Variants in MGAT4C observed in about 807,000 individuals in gnomAD.
MGAT4C encodes the protein MGAT4 family member C, also known as alpha-1,3-mannosyl-glycoprotein 4-beta-N-acetylglucosaminyltransferase C.
A neutral mutation model predicts 40.1 loss-of-function variants in MGAT4C; 19 were observed. That is an observed-to-expected ratio of 0.47 (90% CI 0.33 to 0.70). The LOEUF is 0.70. Among genes scored for constraint, MGAT4C ranks in the 30% least tolerant of loss-of-function variants. The pLI, the probability that MGAT4C is intolerant of heterozygous loss-of-function variation, is 0.02. For synonymous variants in MGAT4C, 181 were observed against 187.1 expected, an observed-to-expected ratio of 0.97 and a Z score of 0.27; for missense variants, 491 against 563.2, an observed-to-expected ratio of 0.87 and a Z score of 1.30.
At chr12:86,157,645 T>C (rs956294406) in intron 1 of MGAT4C, among the ~76,000 whole-genome samples, 1 of 152,042 alleles carries the variant, frequency 6.6e-6, no homozygotes, top group Non-Finnish European at 1.5e-5. Context: ...TGATGTACAA[T>C]TCCACATGGT....
chr12:86,511,828 G>A (rs1958593208), intron 2 of MGAT4C, among the ~76,000 whole-genome samples: 1 of 152,106 alleles, frequency 6.6e-6, no homozygotes. Context: ...CATGACATTG[G>A]TCTTAGCAAT....
chr12:86,637,589 G>A (rs1343806474), intron 2 of MGAT4C, among the ~76,000 whole-genome samples: 1 of 151,774 alleles, frequency 6.6e-6, no homozygotes, highest in African/African-American at 2.4e-5. Flanking sequence ...TGACTTAGGA[G>A]GATATTCTCA....
chr12:86,447,355 C>G (rs1039070512), intron 2 of MGAT4C, among the ~76,000 whole-genome samples: 2 of 152,120 alleles, frequency 1.3e-5, no homozygotes, highest in African/African-American at 4.8e-5. Flanking sequence ...GAACTACTGA[C>G]CTCAGGTGAA....
At chr12:86,414,528 A>T (rs981285070) in intron 3 of MGAT4C, among the ~76,000 whole-genome samples, 1 of 152,162 alleles carries the variant, frequency 6.6e-6, no homozygotes, top group Non-Finnish European at 1.5e-5. Flanking sequence ...GAGTTGTCAG[A>T]AAAATCCCAT....
chr12:86,446,056 T>A (rs73189380), intron 2 of MGAT4C, among the ~76,000 whole-genome samples: 2,128 of 152,262 alleles, frequency 0.014, 25 homozygotes, highest in South Asian at 0.024. Flanking sequence ...AGTAAAACTT[T>A]ATATGTATGT....
At chr12:86,521,813 T>C (rs1056978615) in intron 2 of MGAT4C, among the ~76,000 whole-genome samples, 2 of 152,048 alleles carry the variant, frequency 1.3e-5, no homozygotes, top group Admixed American at 6.6e-5. Context: ...TGTAGAGATA[T>C]TTCACCTCCT....
intron 4 of MGAT4C, among the ~76,000 whole-genome samples, chr12:86,329,086 G>C (rs1205114208): frequency 6.7e-6 from 1 of 148,384 alleles, no homozygotes; most frequent in Non-Finnish European, 1.5e-5. Context: ...CTGGGCAACA[G>C]AGCAAGACTC....
At chr12:86,066,235 A>G (rs1357637445) in intron 1 of MGAT4C, among the ~76,000 whole-genome samples, 2 of 152,186 alleles carry the variant, frequency 1.3e-5, no homozygotes, top group African/African-American at 2.4e-5. Flanking sequence ...GAACCAAAAA[A>G]GAGCCCACAT....
intron 1 of MGAT4C, among the ~76,000 whole-genome samples, chr12:86,117,245 T>C (rs1463368186): frequency 2.0e-5 from 3 of 152,128 alleles, no homozygotes; most frequent in Non-Finnish European, 4.4e-5. Flanking sequence ...GAAAACCACC[T>C]TCATACTGAA....
intron 1 of MGAT4C, among the ~76,000 whole-genome samples, chr12:86,084,373 T>C (rs1008164304): frequency 6.6e-5 from 10 of 152,180 alleles, no homozygotes; most frequent in Non-Finnish European, 1.2e-4. Context: ...TAATATTTTA[T>C]TGATAAATCT....
intron 2 of MGAT4C, among the ~76,000 whole-genome samples, chr12:86,503,251 CATAT>C (rs1392556881): frequency 2.9e-4 from 2 of 6,834 alleles, no homozygotes; most frequent in Non-Finnish European, 2.3e-4. Flanking sequence ...GAGTTCTGCT[CATAT>C]ATATATATAT....
chr12:86,049,773 C>A (rs1892727416), intron 1 of MGAT4C, 50 bp from the exon 2 acceptor site: 7 of 697,444 alleles, frequency 1.0e-5, no homozygotes, highest in Non-Finnish European at 1.2e-5. Flanking sequence ...TGGTTTCTTG[C>A]TGATAAAAGT....
chr12:86,121,246 T>A (rs537129642), intron 1 of MGAT4C, among the ~76,000 whole-genome samples: 38 of 152,188 alleles, frequency 2.5e-4, no homozygotes, highest in African/African-American at 9.1e-4. Flanking sequence ...TGGGACTATG[T>A]GAAAAGACCA....
intron 1 of MGAT4C, among the ~76,000 whole-genome samples, chr12:86,209,768 AATTTTTTTCTTCTTCACTGTACC>A (rs1366742207): frequency 6.6e-6 from 1 of 152,136 alleles, no homozygotes. Context: ...AAAAGAAGGT[AATTTTTTTCTTCTTCACTGTACC>A]ATATGCTTCC....
intron 1 of MGAT4C, among the ~76,000 whole-genome samples, chr12:86,198,816 G>A (rs1167623616): frequency 2.0e-5 from 3 of 151,984 alleles, no homozygotes; most frequent in Non-Finnish European, 4.4e-5. Context: ...TCTTCCCAAG[G>A]CACCAAGGGT....
chr12:86,501,714 T>C (rs1251221005), intron 2 of MGAT4C, among the ~76,000 whole-genome samples: 1 of 152,094 alleles, frequency 6.6e-6, no homozygotes, highest in East Asian at 1.9e-4. Flanking sequence ...ATGGTGTATA[T>C]ATGCCAAATT....
chr12:86,733,456 A>G (rs1441225117), intron 1 of MGAT4C, among the ~76,000 whole-genome samples: 3 of 151,900 alleles, frequency 2.0e-5, no homozygotes, highest in African/African-American at 4.8e-5. Context: ...AACAAACACA[A>G]AGTTTGGCTG....
chr12:86,199,184 C>T (rs1243015878), intron 1 of MGAT4C, among the ~76,000 whole-genome samples: 1 of 152,070 alleles, frequency 6.6e-6, no homozygotes, highest in African/African-American at 2.4e-5. Context: ...TTTTGATATG[C>T]CAATAGGAAC....
intron 2 of MGAT4C, among the ~76,000 whole-genome samples, chr12:86,630,361 C>G (rs2136504048): frequency 6.6e-6 from 1 of 152,244 alleles, no homozygotes; most frequent in South Asian, 2.1e-4. Flanking sequence ...TGAAACTATC[C>G]CAATCAACAG....
Sources: gnomAD v4.1 joint callset for allele counts (sites outside exome capture counted in the v4.1 genomes callset) on GRCh38, gnomAD v4.1.1 for gene constraint, MANE v1.5 for transcripts, NCBI Gene and HGNC (gene_info 2026-07-23, HGNC 2026-07-21) for gene names.